Variants in RAB22A observed in about 807,000 individuals in gnomAD.
The protein encoded by RAB22A is ras-related protein Rab-22A.
A neutral mutation model predicts 30.2 loss-of-function variants in RAB22A; 13 were observed. The ratio of observed to expected loss-of-function variants is 0.43; its 90% CI spans 0.28 to 0.68. The LOEUF is 0.68. Ranked by LOEUF, RAB22A falls within the 30% of genes least tolerant of loss-of-function variation. The pLI, the probability that RAB22A is intolerant of heterozygous loss-of-function variation, is 0.18. For missense variants in RAB22A, 177 were observed against 246.8 expected, an observed-to-expected ratio of 0.72 and a Z score of 1.89; for synonymous variants, 89 against 87.2, an observed-to-expected ratio of 1.02 and a Z score of -0.11.
intron 2 of RAB22A, among the ~76,000 whole-genome samples, chr20:58,315,823 C>G (rs1049950265): frequency 5.3e-5 from 8 of 152,130 alleles, no homozygotes; most frequent in Admixed American, 5.2e-4. Context: ...ATTTCAGAAC[C>G]AGTTATTCTG....
chr20:58,309,753 G>T lies in RAB22A; in HGVS notation c.-224G>T, dbSNP rs1161448059. The stretch of plus-strand genomic sequence containing the variant: ...GGCGTCCCAAGATGGCGGCGGCGGC[G>T]GCTCCCGGAAGGCCGCGGCGGCGTC... On this transcript the variant is annotated 5_prime_UTR_variant, in exon 1 of 7. Coordinates refer to ENST00000244040, the MANE Select transcript of RAB22A (RefSeq NM_020673.3). 5 of 278,588 alleles carry T rather than the reference G, an allele frequency of 1.8e-5. No individual in the cohort carries two copies. The highest frequency in any genetic ancestry group is 1.6e-4 in the Admixed American group (3 of 18,466). The allele number at this position is 278,588 out of a possible 1,614,324, so 17.3% of individuals were successfully genotyped here.
At position 58,353,553 on chromosome 20, in the gene RAB22A, CGA is replaced by C; in HGVS notation, c.377+20_377+21del. The C allele has an allele frequency of 6.5e-7, 1 of 1,534,554 alleles. No individual in the cohort carries two copies. The highest frequency in any genetic ancestry group is 9.0e-7 in the Non-Finnish European group (1 of 1,108,378). ...ATCGATGTAAGGTAAGTTATTAGAA[CGA>C]GAGATTACAATACCTATTATGTGTT... On this transcript the variant is annotated intron_variant, in intron 5 of 6. Transcript: ENST00000244040.
chr20:58,323,776 G>A lies in RAB22A; in HGVS notation c.116+12654G>A, dbSNP rs949102827. Reference sequence around the variant, plus strand: ...ATTGACACCACCATGCCCAGCAGAAGCACCTTTATTTTGTTTGCTGGGATC... The same window carrying A: ...ATTGACACCACCATGCCCAGCAGAAACACCTTTATTTTGTTTGCTGGGATC... On this transcript the variant is annotated intron_variant, in intron 2 of 6. Coordinates refer to ENST00000244040, the MANE Select transcript of RAB22A (RefSeq NM_020673.3). Among the ~76,000 whole-genome samples, 12 of 151,358 alleles carry A rather than the reference G, an allele frequency of 7.9e-5. 1 individual carries two copies. Among genetic ancestry groups the A allele is most frequent in the Admixed American group, 7.2e-4 (11 of 15,212 alleles).
chr20:58,337,386 AC>A (rs1986775430), intron 2 of RAB22A, among the ~76,000 whole-genome samples: 1 of 152,118 alleles, frequency 6.6e-6, no homozygotes, highest in Non-Finnish European at 1.5e-5. Flanking sequence ...CCTGAGTAAT[AC>A]AGGGTCCTCT....
chr20:58,352,108 C>G (rs531169609), intron 3 of RAB22A, among the ~76,000 whole-genome samples: 207 of 152,226 alleles, frequency 1.4e-3, no homozygotes, highest in African/African-American at 4.7e-3. Context: ...GTTGATAGAA[C>G]TGTTTGACAT....
At chr20:58,335,522 AT>A (rs1986734486) in intron 2 of RAB22A, among the ~76,000 whole-genome samples, 1 of 152,210 alleles carries the variant, frequency 6.6e-6, no homozygotes, top group Non-Finnish European at 1.5e-5. Flanking sequence ...GGTATGTAGT[AT>A]GTATTGCCAT....
chr20:58,349,470 G>A (rs949764895), intron 3 of RAB22A, among the ~76,000 whole-genome samples: 1 of 152,274 alleles, frequency 6.6e-6, no homozygotes, highest in East Asian at 1.9e-4. Flanking sequence ...ATTCCCTGAA[G>A]TTTTTTTGAC....
In RAB22A at chr20:58,334,083, C is replaced by T. The variant is rs1229845599; in HGVS notation, c.117-9635C>T. 3.3e-5 allele frequency among the ~76,000 whole-genome samples: 5 copies of T among 151,910 alleles called. 1 individual carries two copies. The highest frequency in any genetic ancestry group is 7.4e-5 in the Non-Finnish European group (5 of 67,988). ...CAGTGGCTCACACCTGTAATCGCAG[C>T]ACTTTGGGAGGCCGAGGCAGGTGGA... On this transcript the variant is annotated intron_variant, in intron 2 of 6. Coordinates refer to ENST00000244040, the MANE Select transcript of RAB22A (RefSeq NM_020673.3).
chr20:58,344,750 C>T (rs1223810900), intron 3 of RAB22A, among the ~76,000 whole-genome samples: 1 of 152,184 alleles, frequency 6.6e-6, no homozygotes, highest in Non-Finnish European at 1.5e-5. Context: ...TGAAATCTGA[C>T]AAGAATCATC....
rs144655937 is a variant in RAB22A, at chr20:58,349,844, A to G, written c.199-3429A>G. ...CACTGTCCAGTGGACAGTCAGCACT[A>G]CTACACATATGAAGAAACAGGAAGG... is the stretch of plus-strand genomic sequence containing the variant. On this transcript the variant is annotated intron_variant, in intron 3 of 6. Transcript: ENST00000244040. Among the ~76,000 whole-genome samples the G allele has an allele frequency of 3.9e-3, 597 of 152,374 alleles. 4 individuals carry two copies. Among genetic ancestry groups the G allele is most frequent in the African/African-American group, 0.014 (574 of 41,588 alleles).
intron 2 of RAB22A, among the ~76,000 whole-genome samples, chr20:58,334,660 G>A (rs1015536205): frequency 3.3e-5 from 5 of 151,288 alleles, no homozygotes; most frequent in South Asian, 2.1e-4. Context: ...GATGGACTCC[G>A]TGATATAAAA....
At position 58,354,148 on chromosome 20, in the gene RAB22A, C is replaced by T; in HGVS notation, c.378-8C>T. 6.2e-7 allele frequency: 1 copy of T among 1,601,366 alleles called. No homozygotes were observed. Among genetic ancestry groups the T allele is most frequent in the East Asian group, 2.2e-5 (1 of 44,778 alleles). ...TAGAATTTCTGATATGTAGTTGTTG[C>T]CTTCCAGAGAAGTCATGGAGAGAGA... On this transcript the variant is annotated splice_region_variant and splice_polypyrimidine_tract_variant and intron_variant, in intron 5 of 6. Coordinates refer to ENST00000244040, the MANE Select transcript of RAB22A (RefSeq NM_020673.3).
rs1016713284 is a variant in RAB22A, at chr20:58,360,737, G to T, written c.*1034G>T. The T allele has an allele frequency of 2.0e-5, 3 of 152,572 alleles. No individual in the cohort carries two copies. The highest frequency in any genetic ancestry group is 6.5e-5 in the Admixed American group (1 of 15,276). The allele number at this position is 152,572 out of a possible 1,614,324, so 9.5% of individuals were successfully genotyped here. A position where few individuals can be genotyped will look rare whatever the true frequency, so the allele number is the denominator to read the frequency against. ...TTCAGCCTCTTAACGGGAGACTCAA[G>T]CACATTGGTATTGTATAAAGGTATA... On this transcript the variant is annotated 3_prime_UTR_variant, in exon 7 of 7. Coordinates refer to ENST00000244040, the MANE Select transcript of RAB22A (RefSeq NM_020673.3).
chr20:58,326,856 T>G (rs2122938145), intron 2 of RAB22A, among the ~76,000 whole-genome samples: 1 of 152,238 alleles, frequency 6.6e-6, no homozygotes, highest in East Asian at 1.9e-4. Context: ...GTTACCATAC[T>G]GAATAAGTGG....
At chr20:58,348,831 A>G (rs1986995412) in intron 3 of RAB22A, among the ~76,000 whole-genome samples, 1 of 152,190 alleles carries the variant, frequency 6.6e-6, no homozygotes, top group Non-Finnish European at 1.5e-5. Flanking sequence ...GTGTTTTAAG[A>G]AAGTTTATGG....
rs138611230 is a variant in RAB22A, at chr20:58,328,476, C to G, written c.117-15242C>G. Reference sequence around the variant, plus strand: ...ATTACAGGTGTGAACCAGTGTCCAGCTACATTCTTTATATTGTACTTGCAA... The same window carrying G: ...ATTACAGGTGTGAACCAGTGTCCAGGTACATTCTTTATATTGTACTTGCAA... On this transcript the variant is annotated intron_variant, in intron 2 of 6. Coordinates refer to ENST00000244040, the MANE Select transcript of RAB22A (RefSeq NM_020673.3). 9.4e-4 allele frequency among the ~76,000 whole-genome samples: 143 copies of G among 152,210 alleles called. 1 individual carries two copies. Among genetic ancestry groups the G allele is most frequent in the African/African-American group, 3.4e-3 (140 of 41,526 alleles).
chr20:58,310,541 A>G (rs918396906), intron 1 of RAB22A, among the ~76,000 whole-genome samples: 27 of 152,324 alleles, frequency 1.8e-4, no homozygotes, highest in African/African-American at 6.5e-4. Context: ...CCCAAAGACT[A>G]GTTTGAAGCT....
chr20:58,358,383 T>C (rs564615094), intron 6 of RAB22A, among the ~76,000 whole-genome samples: 2 of 152,342 alleles, frequency 1.3e-5, no homozygotes, highest in African/African-American at 2.4e-5. Flanking sequence ...TGGAATACAA[T>C]GTATGTGTCA....
chr20:58,353,437 A>G lies in RAB22A; in HGVS notation c.276A>G (p.Thr92=), dbSNP rs774657004. ...CTCTTTTTTGTGTGTTACAGGAGAC[A>G]TTTTCAACATTAAAGAATTGGGTGA... The part of the protein sequence containing the change: ...IIVYDITKEE[T]FSTLKNWVKE... Residue 92 remains threonine, a synonymous_variant, in exon 5 of 7, where the codon ACA becomes ACG. Transcript: ENST00000244040. 20 of 1,612,804 alleles carry G rather than the reference A, an allele frequency of 1.2e-5. No individual in the cohort carries two copies. The African/African-American group carries it at 1.3e-4, about 11-fold the overall frequency.
Sources: gnomAD v4.1 joint callset for allele counts (sites outside exome capture counted in the v4.1 genomes callset) on GRCh38, gnomAD v4.1.1 for gene constraint, MANE v1.5 for transcripts, NCBI Gene and HGNC (gene_info 2026-07-23, HGNC 2026-07-21) for gene names.